Variants in SH3GLB1 observed in about 807,000 individuals in gnomAD.
SH3GLB1 encodes endophilin-B1.
SH3GLB1 carries 17 observed loss-of-function variants against 42.0 expected under a neutral mutation model. That is an observed-to-expected ratio of 0.40 (90% CI 0.28 to 0.61). The LOEUF is 0.61. SH3GLB1 is among the 20% of genes least tolerant of loss of function. The probability of loss-of-function intolerance (pLI) is 0.36; values close to 1 mark genes in which losing one functional copy is unlikely to be tolerated. For missense variants in SH3GLB1, 355 were observed against 426.3 expected (o/e 0.83, Z 1.47); for synonymous variants, 132 against 146.6 (o/e 0.90, Z 0.72).
intron 1 of SH3GLB1, among the ~76,000 whole-genome samples, chr1:86,714,603 T>C (rs1654403716): frequency 1.3e-5 from 2 of 152,248 alleles, no homozygotes; most frequent in African/African-American, 4.8e-5. Context: ...CCTGAAAGTA[T>C]TAAACCAAGA....
intron 5 of SH3GLB1, among the ~76,000 whole-genome samples, chr1:86,732,043 A>C (rs150926048): frequency 3.2e-4 from 49 of 152,348 alleles, no homozygotes; most frequent in African/African-American, 1.1e-3. Flanking sequence ...CAAGCTAGGC[A>C]ACAAGAGCAA....
At chr1:86,724,140 C>A in intron 4 of SH3GLB1, among the ~76,000 whole-genome samples, 173 bp from the exon 5 acceptor site, 1 of 120,178 alleles carries the variant, frequency 8.3e-6, no homozygotes, top group Admixed American at 7.9e-5. Flanking sequence ...AAAACAGTAA[C>A]AAGGGGGTGG....
intron 5 of SH3GLB1, among the ~76,000 whole-genome samples, chr1:86,733,869 A>G (rs769580990): frequency 2.0e-5 from 3 of 152,100 alleles, no homozygotes; most frequent in Admixed American, 2.0e-4. Flanking sequence ...AAATCTGGAT[A>G]TGAGAGCTTT....
rs1656180479 is a variant in SH3GLB1 at position 86,743,952 on chromosome 1, C to A, written c.*717C>A. ...TCTAGGACAAATTTACTTCATTAAA[C>A]ATAAAGTTTTTAAGATTATTCAGTT... On this transcript the variant is annotated 3_prime_UTR_variant, in exon 9 of 9. Coordinates refer to ENST00000370558, the MANE Select transcript of SH3GLB1 (RefSeq NM_016009.5). 6.6e-6 allele frequency: 1 copy of A among 152,630 alleles called. No homozygotes were observed. The highest frequency in any genetic ancestry group is 6.5e-5 in the Admixed American group (1 of 15,276). The allele number at this position is 152,630 out of a possible 1,614,324, so 9.5% of individuals were successfully genotyped here.
intron 7 of SH3GLB1, among the ~76,000 whole-genome samples, chr1:86,741,622 T>G (rs1656061521): frequency 6.6e-6 from 1 of 152,196 alleles, no homozygotes; most frequent in Admixed American, 6.5e-5. Context: ...TCTCACTATG[T>G]GTATGTCCTT....
At chr1:86,707,408 A>AT (rs1653932488) in intron 1 of SH3GLB1, among the ~76,000 whole-genome samples, 1 of 152,208 alleles carries the variant, frequency 6.6e-6, no homozygotes, top group Non-Finnish European at 1.5e-5. Context: ...TGTAACTTAG[A>AT]TTACAGTGGT....
intron 4 of SH3GLB1, 150 bp from the exon 5 acceptor site, chr1:86,724,163 A>T: frequency 2.1e-6 from 1 of 479,776 alleles, no homozygotes; most frequent in Non-Finnish European, 3.6e-6. Context: ...GGGGGCAGAT[A>T]CATGAATGGT....
intron 1 of SH3GLB1, among the ~76,000 whole-genome samples, chr1:86,706,846 A>C (rs551351412): frequency 5.3e-5 from 8 of 152,360 alleles, no homozygotes; most frequent in Non-Finnish European, 7.3e-5. Context: ...TAAAAAATTA[A>C]ATCTAGCAAA....
At chr1:86,722,484 A>T (rs1378619295) in intron 3 of SH3GLB1, 56 bp from the exon 4 acceptor site, 2 of 1,487,486 alleles carry the variant, frequency 1.3e-6, no homozygotes, top group Non-Finnish European at 1.8e-6. Flanking sequence ...TCTTTACATG[A>T]TTTTATTTTC....
chr1:86,724,158 C>A (rs955943773), intron 4 of SH3GLB1, among the ~76,000 whole-genome samples, 155 bp from the exon 5 acceptor site: 9 of 147,084 alleles, frequency 6.1e-5, no homozygotes, highest in African/African-American at 2.3e-4. Context: ...TGGGGGGGGG[C>A]AGATACATGA....
chr1:86,705,123 C>G, intron 1 of SH3GLB1, 152 bp downstream of exon 1: 1 of 525,706 alleles, frequency 1.9e-6, no homozygotes. Flanking sequence ...CTGGTCCCCT[C>G]CCCGGGCCCG....
At chr1:86,741,719 A>T (rs2101990390) in intron 7 of SH3GLB1, among the ~76,000 whole-genome samples, 1 of 152,318 alleles carries the variant, frequency 6.6e-6, no homozygotes, top group Admixed American at 6.5e-5. Context: ...ACTTACATGT[A>T]AATGACAATA....
intron 1 of SH3GLB1, 94 bp downstream of exon 1, chr1:86,705,065 C>T: frequency 1.2e-6 from 1 of 822,178 alleles, no homozygotes; most frequent in South Asian, 1.8e-5. Context: ...GCCTCGCCGA[C>T]CACCCAGCGG....
chr1:86,733,757 C>A (rs141396024), intron 5 of SH3GLB1, among the ~76,000 whole-genome samples: 1 of 152,262 alleles, frequency 6.6e-6, no homozygotes, highest in African/African-American at 2.4e-5. Context: ...TGGTTGAAAC[C>A]AGTAGTGGCA....
chr1:86,709,934 C>T (rs1269031497), intron 1 of SH3GLB1, among the ~76,000 whole-genome samples: 5 of 152,180 alleles, frequency 3.3e-5, no homozygotes, highest in South Asian at 4.1e-4. Flanking sequence ...CCTGGAGTTT[C>T]AGTTTGGCCA....
chr1:86,723,984 A>G (rs544370333), intron 4 of SH3GLB1, among the ~76,000 whole-genome samples: 138 of 152,360 alleles, frequency 9.1e-4, no homozygotes, highest in African/African-American at 3.0e-3. Flanking sequence ...CCCTCCACCA[A>G]TTGTGACAAC....
intron 5 of SH3GLB1, among the ~76,000 whole-genome samples, chr1:86,733,350 T>G (rs1044094168): frequency 6.6e-6 from 1 of 152,200 alleles, no homozygotes; most frequent in East Asian, 1.9e-4. Flanking sequence ...ACTGGTTTAC[T>G]AGGGTAACTA....
At chr1:86,739,482 C>A (rs1431084700) in intron 7 of SH3GLB1, among the ~76,000 whole-genome samples, 1 of 152,082 alleles carries the variant, frequency 6.6e-6, no homozygotes, top group African/African-American at 2.4e-5. Flanking sequence ...TCATTGCTAA[C>A]CTTGACGAGT....
At position 86,745,986 on chromosome 1, in the gene SH3GLB1, C is replaced by T. The variant is rs1656280885; in HGVS notation, c.*2751C>T. 1 of 152,486 alleles carries T rather than the reference C, an allele frequency of 6.6e-6. No homozygotes were observed. Among genetic ancestry groups the T allele is most frequent in the Non-Finnish European group, 1.5e-5 (1 of 68,010 alleles). The allele number at this position is 152,486 out of a possible 1,614,324, so 9.4% of individuals were successfully genotyped here. Reference sequence around the variant, plus strand: ...ATTGGATTGTGTCTACCTTTTTCCTCAAAGTAATCTAACCTAAACGGTCAT... The same window carrying T: ...ATTGGATTGTGTCTACCTTTTTCCTTAAAGTAATCTAACCTAAACGGTCAT... On this transcript the variant is annotated 3_prime_UTR_variant, in exon 9 of 9. Transcript: ENST00000370558.
Sources: allele counts gnomAD v4.1 joint callset (sites outside exome capture counted in the v4.1 genomes callset), GRCh38; gene constraint gnomAD v4.1.1; transcripts MANE v1.5; gene names NCBI Gene and HGNC (gene_info 2026-07-23, HGNC 2026-07-21).